IFNLR1: variants seen among roughly 807,000 people sequenced by gnomAD.
IFNLR1 encodes the protein interferon lambda receptor 1.
Under a neutral mutation model 52.5 loss-of-function variants are expected in IFNLR1, and 28 were observed. That is an observed-to-expected ratio of 0.53 (90% CI 0.40 to 0.73). The LOEUF (loss-of-function observed/expected upper bound fraction) is 0.73. IFNLR1 is among the 30% of genes least tolerant of loss of function. IFNLR1 has a pLI of 0.00. For missense variants in IFNLR1, 623 were observed against 659.1 expected (o/e 0.95, Z 0.60); for synonymous variants, 276 against 274.9 (o/e 1.00, Z -0.04).
intron 2 of IFNLR1, among the ~76,000 whole-genome samples, chr1:24,179,728 A>C (rs527751911): frequency 6.6e-6 from 1 of 152,340 alleles, no homozygotes; most frequent in South Asian, 2.1e-4. Flanking sequence ...TGGGAGAAGG[A>C]AGTGAAATAT....
chr1:24,179,931 C>G (rs1644671562), intron 2 of IFNLR1, among the ~76,000 whole-genome samples: 1 of 152,204 alleles, frequency 6.6e-6, no homozygotes, highest in African/African-American at 2.4e-5. Flanking sequence ...GGATCTGCTT[C>G]CATTGTCAGA....
At chr1:24,162,800 CTTTT>C (rs1557644039) in intron 3 of IFNLR1, among the ~76,000 whole-genome samples, 1 of 62,492 alleles carries the variant, frequency 1.6e-5, no homozygotes. Flanking sequence ...TTCTTTCTTT[CTTTT>C]TTCTTTCTTT....
intron 2 of IFNLR1, among the ~76,000 whole-genome samples, chr1:24,178,897 C>T (rs1215581807): frequency 7.7e-6 from 1 of 130,266 alleles, no homozygotes. Context: ...TAGAATATCA[C>T]CATTCTAATG....
At position 24,180,824 on chromosome 1, in the gene IFNLR1, A is replaced by ACATTCTGGGGAGGGGCCAGACGGGG; in HGVS notation, c.64_88dup (p.Val30AlafsTer45). The ACATTCTGGGGAGGGGCCAGACGGGG allele has an allele frequency of 6.2e-7, 1 of 1,613,954 alleles. No homozygotes were observed. Among genetic ancestry groups the ACATTCTGGGGAGGGGCCAGACGGGG allele is most frequent in the South Asian group, 1.1e-5 (1 of 91,074 alleles). On this transcript the variant is annotated frameshift_variant, in exon 2 of 7. Transcript: ENST00000327535. LOFTEE classifies it high-confidence loss of function. ...GCTGAAGTTCTGGGAGAGCAGCGTCACATTCTGGGGAGGGGCCAGACGGGG... is the reference window on the plus strand; with the variant it reads ...GCTGAAGTTCTGGGAGAGCAGCGTCACATTCTGGGGAGGGGCCAGACGGGGCATTCTGGGGAGGGGCCAGACGGGG...
chr1:24,177,752 C>T (rs1009941487), intron 2 of IFNLR1, among the ~76,000 whole-genome samples: 8 of 152,190 alleles, frequency 5.3e-5, no homozygotes, highest in African/African-American at 1.9e-4. Context: ...CCATCACAAA[C>T]CCTTTGGGCG....
intron 3 of IFNLR1, 125 bp from the exon 4 acceptor site, chr1:24,161,809 C>T: frequency 1.1e-6 from 1 of 898,314 alleles, no homozygotes; most frequent in Non-Finnish European, 1.6e-6. Context: ...TCTTGTGCAC[C>T]TAGCACCTTA....
chr1:24,183,844 C>T (rs1569706698), intron 1 of IFNLR1, among the ~76,000 whole-genome samples: 1 of 152,222 alleles, frequency 6.6e-6, no homozygotes, highest in Admixed American at 6.5e-5. Flanking sequence ...ATTCTCCTGC[C>T]TCAGCCTCCA....
Position 24,157,469 on chromosome 1 carries a change from A to G in IFNLR1, c.1224T>C (p.Ala408=). ...CCGGCCCTTGGCCTGGCCCCTTCTC[A>G]GCCAAATAGCCAGAGGACCCAGCCC... ...WDRAGSSGYL[A]EKGPGQGPGG... The change falls in exon 7 of 7, where the codon GCT becomes GCC. Residue 408 remains alanine, a synonymous_variant. Transcript: ENST00000327535. The surrounding 1 kb of genome is among the most constrained non-coding windows in gnomAD (Gnocchi z 5.1). The G allele has an allele frequency of 6.2e-7, 1 of 1,613,730 alleles. No homozygotes were observed. Among genetic ancestry groups the G allele is most frequent in the South Asian group, 1.1e-5 (1 of 91,026 alleles).
intron 1 of IFNLR1, 129 bp from the exon 2 acceptor site, chr1:24,180,983 C>T: frequency 3.3e-6 from 3 of 905,916 alleles, no homozygotes; most frequent in Non-Finnish European, 4.9e-6. Flanking sequence ...GAGCCACTGA[C>T]TGGCTGTACT....
Position 24,169,504 on chromosome 1 carries a change from T to C in IFNLR1, c.280A>G (p.Asn94Asp), listed in dbSNP as rs1349520379. ...GTCCGCACGCGTCCCTTGAACTTGT[T>C]GTACAGGTCCTGTTTCTTCAGGCAC... The part of the protein sequence containing the change: ...MMCLKKQDLY[N>D]KFKGRVRTVS... The change falls in exon 3 of 7, where the codon AAC becomes GAC. Residue 94 changes from asparagine to aspartate, a missense_variant. Coordinates refer to ENST00000327535, the MANE Select transcript of IFNLR1 (RefSeq NM_170743.4). The C allele has an allele frequency of 1.2e-6, 2 of 1,614,110 alleles. No homozygotes were observed. The highest frequency in any genetic ancestry group is 1.7e-6 in the Non-Finnish European group (2 of 1,180,044).
At position 24,169,545 on chromosome 1, in the gene IFNLR1, A is replaced by G. The variant is rs1644556767; in HGVS notation, c.239T>C (p.Leu80Pro). ...CTTCAGGCACATCATAGAACATAGCAGCTCCTTGGTTCCCGCACACTCTTC... is the reference window on the plus strand; with the variant it reads ...CTTCAGGCACATCATAGAACATAGCGGCTCCTTGGTTCCCGCACACTCTTC... ...EVEECAGTKELLCSMMCLKKQ... is the reference protein window; with the variant it reads ...EVEECAGTKEPLCSMMCLKKQ... Residue 80 changes from leucine (L) to proline (P), a missense_variant, in exon 3 of 7, where the codon CTG becomes CCG. Leu to Pro is a moderately conservative substitution (Grantham distance 98). Transcript: ENST00000327535. 6.2e-7 allele frequency: 1 copy of G among 1,614,204 alleles called. No homozygotes were observed. The highest frequency in any genetic ancestry group is 2.2e-5 in the East Asian group (1 of 44,890).
At chr1:24,172,413 G>GA (rs962504411) in intron 2 of IFNLR1, among the ~76,000 whole-genome samples, 24 of 151,834 alleles carry the variant, frequency 1.6e-4, no homozygotes, top group Non-Finnish European at 2.6e-4. Context: ...TGCAGGACAA[G>GA]AAAAAACCAC....
At chr1:24,159,926 T>G (rs1290238729) in intron 4 of IFNLR1, among the ~76,000 whole-genome samples, 1 of 152,002 alleles carries the variant, frequency 6.6e-6, no homozygotes, top group South Asian at 2.1e-4. Context: ...TTAAAATTAT[T>G]TTTTGTATAG....
At chr1:24,166,855 G>A (rs143815905) in intron 3 of IFNLR1, among the ~76,000 whole-genome samples, 67 of 152,270 alleles carry the variant, frequency 4.4e-4, no homozygotes, top group African/African-American at 1.5e-3. Flanking sequence ...GGGATTACAG[G>A]TGTGAGCCAC....
intron 3 of IFNLR1, among the ~76,000 whole-genome samples, chr1:24,168,775 G>A (rs980176614): frequency 9.3e-5 from 14 of 151,344 alleles, no homozygotes; most frequent in Admixed American, 7.2e-4. Context: ...CTTTTGAGAC[G>A]CTCTGTCGCC....
intron 4 of IFNLR1, among the ~76,000 whole-genome samples, chr1:24,160,364 G>A (rs535904816): frequency 6.6e-6 from 1 of 152,278 alleles, no homozygotes; most frequent in South Asian, 2.1e-4. Context: ...AAGACGTAGT[G>A]AAAAAGAATG....
At chr1:24,171,709 T>G (rs1393484944) in intron 2 of IFNLR1, among the ~76,000 whole-genome samples, 1 of 151,884 alleles carries the variant, frequency 6.6e-6, no homozygotes, top group Non-Finnish European at 1.5e-5. Flanking sequence ...CAGGCTGGAG[T>G]GCAGTGGTGC....
rs1429724834 is a variant in IFNLR1 at position 24,162,845 on chromosome 1, T to C, written c.368-1161A>G. ...TTCTTTCTTTCTTTTCTTTCTTTCT[T>C]TCTTTCTTTCTTTCTTTCTTTCTTT... On this transcript the variant is annotated intron_variant, in intron 3 of 6. Transcript: ENST00000327535. Among the ~76,000 whole-genome samples the C allele has an allele frequency of 1.3e-3, 91 of 68,188 alleles. 6 individuals are homozygous for C. In the Middle Eastern group the frequency reaches 0.016, roughly 12 times the overall value. 44.7% of individuals were successfully genotyped at this position (68,188 alleles called of 152,430 possible).
chr1:24,182,644 G>A (rs1337274996), intron 1 of IFNLR1, among the ~76,000 whole-genome samples: 1 of 152,036 alleles, frequency 6.6e-6, no homozygotes, highest in African/African-American at 2.4e-5. Context: ...AATACAGGCC[G>A]GGCGTGGTGG....
Sources: gnomAD v4.1 joint callset for allele counts (sites outside exome capture counted in the v4.1 genomes callset) on GRCh38, gnomAD v4.1.1 for gene constraint, Gnocchi (gnomAD v3.1) non-coding constraint, MANE v1.5 for transcripts, NCBI Gene and HGNC (gene_info 2026-07-23, HGNC 2026-07-21) for gene names.